The following SRC variants were observed in gnomAD, a reference collection of about 807,000 sequenced individuals.
SRC encodes SRC proto-oncogene, non-receptor tyrosine kinase.
A neutral mutation model predicts 62.9 loss-of-function variants in SRC; 13 were observed. That is an observed-to-expected ratio of 0.21 (90% CI 0.13 to 0.33). The LOEUF (loss-of-function observed/expected upper bound fraction) is 0.33. Ranked by LOEUF, SRC falls within the 10% of genes least tolerant of loss-of-function variation. The pLI, the probability that SRC is intolerant of heterozygous loss-of-function variation, is 1.00. For synonymous variants in SRC, 302 were observed against 317.5 expected, an observed-to-expected ratio of 0.95 and a Z score of 0.52; for missense variants, 457 against 737.3, an observed-to-expected ratio of 0.62 and a Z score of 4.40.
At position 37,404,122 on chromosome 20, in the gene SRC, C is replaced by T. The variant is rs990523862; in HGVS notation, c.*743C>T. 2 of 233,744 alleles carry T rather than the reference C, an allele frequency of 8.6e-6. No homozygotes were observed. Among genetic ancestry groups the T allele is most frequent in the Admixed American group, 5.6e-5 (1 of 17,800 alleles). The allele number at this position is 233,744 out of a possible 1,614,324, so 14.5% of individuals were successfully genotyped here. A position where few individuals can be genotyped will look rare whatever the true frequency, so the allele number is the denominator to read the frequency against. On this transcript the variant is annotated 3_prime_UTR_variant, in exon 14 of 14. Coordinates refer to ENST00000373578, the MANE Select transcript of SRC (RefSeq NM_198291.3). ...TTCAGAGTGGAGGCGGGCTTGGAAC[C>T]CGGTGCTCCCTCTGTCATCCTCAGG...
At chr20:37,395,285 T>C (rs1346469813) in intron 7 of SRC, among the ~76,000 whole-genome samples, 2 of 152,202 alleles carry the variant, frequency 1.3e-5, no homozygotes, top group East Asian at 3.9e-4. Flanking sequence ...CTCCTGAAGA[T>C]CGCAGAGGGG....
rs983454770 is a variant in SRC at position 37,393,839 on chromosome 20, G to A, written c.351-56G>A. ...AGCACCTAGGAGGATGGTGGGCACC[G>A]GGCTTGTGGCTGACGGCTCCCTTCT... On this transcript the variant is annotated intron_variant, in intron 5 of 13. Coordinates refer to ENST00000373578, the MANE Select transcript of SRC (RefSeq NM_198291.3). 33 of 1,379,302 alleles carry A rather than the reference G, an allele frequency of 2.4e-5. 1 individual carries two copies. In the South Asian group the frequency reaches 3.5e-4, roughly 14 times the overall value. 85.4% of individuals were successfully genotyped at this position (1,379,302 alleles called of 1,614,324 possible). A position where few individuals can be genotyped will look rare whatever the true frequency, so the allele number is the denominator to read the frequency against.
chr20:37,368,211 A>T (rs1245207664), intron 2 of SRC, among the ~76,000 whole-genome samples: 4 of 152,096 alleles, frequency 2.6e-5, no homozygotes, highest in African/African-American at 9.7e-5. Flanking sequence ...TGAGGTCAGG[A>T]GTTAGAGACC....
chr20:37,381,870 T>C (rs1201902942), intron 2 of SRC, among the ~76,000 whole-genome samples: 1 of 152,178 alleles, frequency 6.6e-6, no homozygotes, highest in Non-Finnish European at 1.5e-5. Flanking sequence ...TGGTAATCCC[T>C]TGAGCTCTTC....
At chr20:37,350,948 G>A (rs1033220896) in intron 1 of SRC, among the ~76,000 whole-genome samples, 1 of 152,210 alleles carries the variant, frequency 6.6e-6, no homozygotes, top group Non-Finnish European at 1.5e-5. Flanking sequence ...CACAGATCGG[G>A]GGGATTGAGG....
At chr20:37,373,241 T>C (rs901786356) in intron 2 of SRC, among the ~76,000 whole-genome samples, 2 of 123,264 alleles carry the variant, frequency 1.6e-5, no homozygotes, top group African/African-American at 4.0e-5. Context: ...CATGCACATA[T>C]GTACACACGC....
At chr20:37,393,807 T>A in intron 5 of SRC, 88 bp from the exon 6 acceptor site, 1 of 1,011,502 alleles carries the variant, frequency 9.9e-7, no homozygotes, top group Non-Finnish European at 1.5e-6. Context: ...ACTAGAGCCC[T>A]GAGCACAGCA....
rs780602993 is a variant in SRC, at chr20:37,352,000, C to T, written c.-247+5745C>T. On this transcript the variant is annotated intron_variant, in intron 1 of 13. Transcript: ENST00000373578. This position sits in a 1 kb window ranked among gnomAD's most constrained non-coding sequence, Gnocchi z 4.4. ...CTGGCTGATGGATTCCCCAGTCGGA[C>T]GTGGAGTACTGGGATCTTGGGTGCT... Among the ~76,000 whole-genome samples, 2 of 152,202 alleles carry T rather than the reference C, an allele frequency of 1.3e-5. No homozygotes were observed. Among genetic ancestry groups the T allele is most frequent in the East Asian group, 1.9e-4 (1 of 5,202 alleles).
At chr20:37,357,477 G>A (rs1199264162) in intron 1 of SRC, among the ~76,000 whole-genome samples, 1 of 152,234 alleles carries the variant, frequency 6.6e-6, no homozygotes, top group East Asian at 1.9e-4. Context: ...CCTTTGGCCA[G>A]TGTCTGTTCT....
intron 5 of SRC, among the ~76,000 whole-genome samples, chr20:37,392,862 C>G (rs1039037422): frequency 6.6e-6 from 1 of 152,124 alleles, no homozygotes; most frequent in Non-Finnish European, 1.5e-5. Context: ...CTGGCTCTCC[C>G]GCTCTCTCCC....
intron 3 of SRC, among the ~76,000 whole-genome samples, chr20:37,383,254 G>A (rs2070391458): frequency 6.6e-6 from 1 of 152,230 alleles, no homozygotes; most frequent in African/African-American, 2.4e-5. Context: ...GAGAACGGAA[G>A]GAGGCACCAG....
rs1438197610 is a variant in SRC, at chr20:37,386,059, C to T, written c.251-16C>T. ...TGTGGCCCCACTGTTCTGACACACC[C>T]CACCCCTCTCTGCAGGTGGAGTGAC... On this transcript the variant is annotated splice_polypyrimidine_tract_variant and intron_variant, in intron 4 of 13. Transcript: ENST00000373578. 1.2e-6 allele frequency: 2 copies of T among 1,604,486 alleles called. No homozygotes were observed. Among genetic ancestry groups the T allele is most frequent in the Admixed American group, 1.7e-5 (1 of 59,998 alleles).
intron 9 of SRC, 134 bp from the exon 10 acceptor site, chr20:37,399,981 C>A: frequency 1.3e-6 from 1 of 790,360 alleles, no homozygotes; most frequent in Non-Finnish European, 1.9e-6. Context: ...AGAAAGGGCC[C>A]AGGCTTTGAC....
chr20:37,378,788 A>G (rs980106994), intron 2 of SRC, among the ~76,000 whole-genome samples: 3 of 152,062 alleles, frequency 2.0e-5, no homozygotes, highest in African/African-American at 4.8e-5. Flanking sequence ...GGAGGGGCCC[A>G]CACTGCTGTG....
rs937492781 is a variant in SRC at position 37,396,440 on chromosome 20, C to T, written c.703+129C>T. On this transcript the variant is annotated intron_variant, in intron 8 of 13. Coordinates refer to ENST00000373578, the MANE Select transcript of SRC (RefSeq NM_198291.3). This position sits in a 1 kb window ranked among gnomAD's most constrained non-coding sequence, Gnocchi z 6.1. ...CTTCTCTCCCCACTTCCCCCTCCCC[C>T]CTCCCTTCCTCTCTCCTCCCTTTTC... The T allele has an allele frequency of 2.1e-5, 22 of 1,051,162 alleles. 1 individual carries two copies. The South Asian group carries it at 2.4e-4, about 11-fold the overall frequency. 65.1% of individuals were successfully genotyped at this position (1,051,162 alleles called of 1,614,324 possible). A position where few individuals can be genotyped will look rare whatever the true frequency, so the allele number is the denominator to read the frequency against.
chr20:37,397,424 T>C lies in SRC; in HGVS notation c.704-275T>C, dbSNP rs572631006. Among the ~76,000 whole-genome samples, 366 of 152,262 alleles carry C rather than the reference T, an allele frequency of 2.4e-3. 1 individual carries two copies. Among genetic ancestry groups the C allele is most frequent in the Non-Finnish European group, 4.0e-3 (275 of 68,000 alleles). ...TGGACTCTGAGTTCCTGAGGGCAGGTTCCCTGGACATGTTCCCTCCCCGCA... is the reference window on the plus strand; with the variant it reads ...TGGACTCTGAGTTCCTGAGGGCAGGCTCCCTGGACATGTTCCCTCCCCGCA... On this transcript the variant is annotated intron_variant, in intron 8 of 13. Transcript: ENST00000373578. The surrounding 1 kb of genome is among the most constrained non-coding windows in gnomAD (Gnocchi z 4.1).
chr20:37,384,070 T>C lies in SRC; in HGVS notation c.-4-80T>C. 1 of 1,547,050 alleles carries C rather than the reference T, an allele frequency of 6.5e-7. No individual in the cohort carries two copies. The highest frequency in any genetic ancestry group is 1.9e-5 in the Admixed American group (1 of 53,290). On this transcript the variant is annotated intron_variant, in intron 3 of 13. Transcript: ENST00000373578. This position sits in a 1 kb window ranked among gnomAD's most constrained non-coding sequence, Gnocchi z 6.7. ...CTCCTTGGGCCTCGTTTTCCCTATC[T>C]GTGGAATGGGTGGGAGGGAGGCCGG...
At chr20:37,375,660 C>T (rs1489686328) in intron 2 of SRC, among the ~76,000 whole-genome samples, 2 of 152,154 alleles carry the variant, frequency 1.3e-5, no homozygotes, top group Non-Finnish European at 2.9e-5. Context: ...CAGGTGTGAG[C>T]CACCACACCC....
At chr20:37,391,901 G>T (rs1049409724) in intron 5 of SRC, among the ~76,000 whole-genome samples, 1 of 152,190 alleles carries the variant, frequency 6.6e-6, no homozygotes, top group Non-Finnish European at 1.5e-5. Context: ...TGACCTGGGT[G>T]CTGTGTGTCC....
Sources: gnomAD v4.1 joint callset for allele counts (sites outside exome capture counted in the v4.1 genomes callset) on GRCh38, gnomAD v4.1.1 for gene constraint, Gnocchi (gnomAD v3.1) non-coding constraint, MANE v1.5 for transcripts, NCBI Gene and HGNC (gene_info 2026-07-23, HGNC 2026-07-21) for gene names.